The following GRID1 variants were observed in gnomAD, a reference collection of about 807,000 sequenced individuals.
GRID1 encodes glutamate ionotropic receptor delta type subunit 1.
GRID1 carries 28 observed loss-of-function variants against 98.0 expected under a neutral mutation model. That is an observed-to-expected ratio of 0.29 (90% CI 0.21 to 0.39). The LOEUF (loss-of-function observed/expected upper bound fraction) is 0.39, where lower values mean the gene tolerates loss of function less well. Among genes scored for constraint, GRID1 ranks in the 10% least tolerant of loss-of-function variants. The probability of loss-of-function intolerance (pLI) is 1.00; values close to 1 mark genes in which losing one functional copy is unlikely to be tolerated. For missense variants in GRID1, 1,111 were observed against 1,340.5 expected (o/e 0.83, Z 2.67); for synonymous variants, 553 against 538.5 (o/e 1.03, Z -0.37).
intron 2 of GRID1, among the ~76,000 whole-genome samples, chr10:86,317,240 T>C (rs979473958): frequency 1.3e-5 from 2 of 152,102 alleles, no homozygotes; most frequent in Non-Finnish European, 2.9e-5. Context: ...TGATTCTAGA[T>C]ACTTGGCTTG....
At chr10:86,111,101 G>C (rs1032006650) in intron 4 of GRID1, among the ~76,000 whole-genome samples, 1 of 152,182 alleles carries the variant, frequency 6.6e-6, no homozygotes, top group Admixed American at 6.5e-5. Flanking sequence ...GGCTCCTGTA[G>C]GCCCCTTATG....
chr10:85,822,399 A>G (rs1452465944), intron 8 of GRID1, among the ~76,000 whole-genome samples: 1 of 152,210 alleles, frequency 6.6e-6, no homozygotes, highest in Non-Finnish European at 1.5e-5. Context: ...ACACTTCTCA[A>G]AAGAAGACAT....
intron 4 of GRID1, among the ~76,000 whole-genome samples, chr10:86,001,454 T>C (rs774151466): frequency 6.6e-6 from 1 of 152,226 alleles, no homozygotes; most frequent in Non-Finnish European, 1.5e-5. Flanking sequence ...AGGACCCACC[T>C]AACTTCATGT....
At position 86,342,596 on chromosome 10, in the gene GRID1, G is replaced by C. The variant is rs139105670; in HGVS notation, c.235+21345C>G. Among the ~76,000 whole-genome samples the C allele has an allele frequency of 5.2e-3, 791 of 152,366 alleles. 5 individuals carry two copies. The highest frequency in any genetic ancestry group is 0.016 in the South Asian group (76 of 4,832). ...GGGCTGGCCATGCCCCCAGGACGGA[G>C]TGGGAAGGGCAGGCCTGAGGGACAT... On this transcript the variant is annotated intron_variant, in intron 2 of 15. Coordinates refer to ENST00000327946, the MANE Select transcript of GRID1 (RefSeq NM_017551.3).
At chr10:86,171,020 G>A (rs1276622897) in intron 3 of GRID1, among the ~76,000 whole-genome samples, 1 of 152,002 alleles carries the variant, frequency 6.6e-6, no homozygotes, top group East Asian at 1.9e-4. Flanking sequence ...TCCTTCTGAG[G>A]CAGTGGTTCT....
intron 4 of GRID1, among the ~76,000 whole-genome samples, chr10:85,992,869 G>A (rs1485745672): frequency 6.6e-6 from 1 of 152,084 alleles, no homozygotes; most frequent in South Asian, 2.1e-4. Context: ...CAGTAGGACT[G>A]CTTGAGCCCA....
intron 4 of GRID1, among the ~76,000 whole-genome samples, chr10:86,003,147 T>C (rs771992676): frequency 6.6e-6 from 1 of 152,240 alleles, no homozygotes. Flanking sequence ...ACTTGACACA[T>C]TCATTTAACA....
chr10:86,249,587 C>T (rs974084845), intron 2 of GRID1, among the ~76,000 whole-genome samples: 6 of 152,134 alleles, frequency 3.9e-5, no homozygotes, highest in South Asian at 4.2e-4. Context: ...CCACACACCC[C>T]GACTCACCTC....
At chr10:85,817,305 A>T (rs958788573) in intron 8 of GRID1, among the ~76,000 whole-genome samples, 3 of 151,704 alleles carry the variant, frequency 2.0e-5, no homozygotes, top group Non-Finnish European at 4.4e-5. Flanking sequence ...AAGTGAGAGA[A>T]CTGCTTGGGT....
chr10:85,628,857 G>T (rs146129504), intron 13 of GRID1, among the ~76,000 whole-genome samples: 21 of 152,266 alleles, frequency 1.4e-4, no homozygotes, highest in South Asian at 4.2e-4. Context: ...AATGGGAGTG[G>T]ACAATGAGTT....
At chr10:86,078,991 T>C (rs1364401178) in intron 4 of GRID1, among the ~76,000 whole-genome samples, 1 of 152,168 alleles carries the variant, frequency 6.6e-6, no homozygotes, top group Non-Finnish European at 1.5e-5. Flanking sequence ...GGAGACCTCC[T>C]CTGGCTGGGA....
intron 4 of GRID1, among the ~76,000 whole-genome samples, chr10:86,102,184 T>C (rs560766769): frequency 2.0e-4 from 30 of 152,290 alleles, no homozygotes; most frequent in African/African-American, 7.2e-4. Flanking sequence ...CATGATCAGC[T>C]AGAATTTTAA....
chr10:85,916,485 G>A lies in GRID1; in HGVS notation c.727-246C>T, dbSNP rs1277367324. Among the ~76,000 whole-genome samples, 4 of 152,200 alleles carry A rather than the reference G, an allele frequency of 2.6e-5. No homozygotes were observed. The highest frequency in any genetic ancestry group is 5.9e-5 in the Non-Finnish European group (4 of 68,046). On this transcript the variant is annotated intron_variant, in intron 4 of 15. Coordinates refer to ENST00000327946, the MANE Select transcript of GRID1 (RefSeq NM_017551.3). The surrounding 1 kb of genome is among the most constrained non-coding windows in gnomAD (Gnocchi z 4.0). The stretch of plus-strand genomic sequence containing the variant: ...CAGCCCAGAGCAAGATTAGACGCTT[G>A]GGTTCCTGCAGGCAGCACAGGGTCA...
intron 4 of GRID1, among the ~76,000 whole-genome samples, chr10:86,127,350 G>A (rs1844769494): frequency 6.6e-6 from 1 of 152,174 alleles, no homozygotes; most frequent in East Asian, 1.9e-4. Context: ...CATCTGAAGA[G>A]TAACTCTGCA....
At position 85,877,999 on chromosome 10, in the gene GRID1, C is replaced by T. The variant is rs367831233; in HGVS notation, c.781-8819G>A. Among the ~76,000 whole-genome samples, 21 of 152,132 alleles carry T rather than the reference C, an allele frequency of 1.4e-4. 1 individual carries two copies. The highest frequency in any genetic ancestry group is 1.3e-3 in the East Asian group (7 of 5,186). On this transcript the variant is annotated intron_variant, in intron 5 of 15. Coordinates refer to ENST00000327946, the MANE Select transcript of GRID1 (RefSeq NM_017551.3). ...CAGAAGCCTCAGGAGCCGATGCAAT[C>T]GACTGGAAGAAAGGGTATCAGTGAT...
At chr10:86,009,053 T>C (rs1019233546) in intron 4 of GRID1, among the ~76,000 whole-genome samples, 4 of 152,154 alleles carry the variant, frequency 2.6e-5, no homozygotes, top group South Asian at 2.1e-4. Context: ...AAAATGCTAA[T>C]GAGCTCTGGC....
At chr10:85,623,860 C>T (rs867220551) in intron 13 of GRID1, among the ~76,000 whole-genome samples, 1 of 152,190 alleles carries the variant, frequency 6.6e-6, no homozygotes, top group Non-Finnish European at 1.5e-5. Context: ...GTTTTTCAGG[C>T]TCTGGAAAGG....
intron 4 of GRID1, among the ~76,000 whole-genome samples, chr10:86,097,514 CCTATCTATCTAGCTATCTGTCTGTCTAT>C (rs973654433): frequency 2.0e-5 from 3 of 152,132 alleles, no homozygotes; most frequent in African/African-American, 7.2e-5. Flanking sequence ...TATCTGTCTA[CCTATCTATCTAGCTATCTGTCTGTCTAT>C]CTATCATCTA....
At chr10:86,100,765 C>T (rs546657611) in intron 4 of GRID1, among the ~76,000 whole-genome samples, 11 of 152,224 alleles carry the variant, frequency 7.2e-5, no homozygotes, top group Non-Finnish European at 1.3e-4. Flanking sequence ...ACACGCAGGA[C>T]GTGTCTTCTT....
Sources: gnomAD v4.1 joint callset for allele counts (sites outside exome capture counted in the v4.1 genomes callset) on GRCh38, gnomAD v4.1.1 for gene constraint, Gnocchi (gnomAD v3.1) non-coding constraint, MANE v1.5 for transcripts, NCBI Gene and HGNC (gene_info 2026-07-23, HGNC 2026-07-21) for gene names.